LUC7L2: variants seen among roughly 807,000 people sequenced by gnomAD.
LUC7L2 encodes the protein putative RNA-binding protein Luc7-like 2.
Under a neutral mutation model 52.8 loss-of-function variants are expected in LUC7L2, and 25 were observed. The ratio of observed to expected loss-of-function variants is 0.47; its 90% CI spans 0.34 to 0.66. The LOEUF is 0.66. LUC7L2 is among the 30% of genes least tolerant of loss of function. The probability of loss-of-function intolerance (pLI) is 0.01; values close to 1 mark genes in which losing one functional copy is unlikely to be tolerated. For synonymous variants in LUC7L2, 144 were observed against 160.9 expected (o/e 0.89, Z 0.80); for missense variants, 328 against 497.8 (o/e 0.66, Z 3.25).
chr7:139,374,137 A>T (rs766769973), intron 1 of LUC7L2, among the ~76,000 whole-genome samples: 1 of 152,168 alleles, frequency 6.6e-6, no homozygotes, highest in Non-Finnish European at 1.5e-5. Flanking sequence ...TAAAGAAATA[A>T]TTTTTTAAAA....
intron 2 of LUC7L2, among the ~76,000 whole-genome samples, chr7:139,387,366 C>T (rs1302650087): frequency 6.6e-6 from 1 of 150,664 alleles, no homozygotes; most frequent in Non-Finnish European, 1.5e-5. Context: ...GCTATTTTTT[C>T]GTATATTCAG....
intron 1 of LUC7L2, chr7:139,363,060 G>A (rs1413073585): frequency 5.5e-6 from 1 of 180,404 alleles, no homozygotes; most frequent in Non-Finnish European, 1.1e-5. Flanking sequence ...CAATCTGAGG[G>A]CAGCATGATG....
At chr7:139,378,192 C>T (rs1800815926) in intron 2 of LUC7L2, among the ~76,000 whole-genome samples, 1 of 152,050 alleles carries the variant, frequency 6.6e-6, no homozygotes, top group Non-Finnish European at 1.5e-5. Flanking sequence ...CATCTGAAAT[C>T]TATGAAATCT....
At chr7:139,415,867 TG>T (rs924493079) in intron 8 of LUC7L2, among the ~76,000 whole-genome samples, 48 of 151,814 alleles carry the variant, frequency 3.2e-4, no homozygotes, top group African/African-American at 1.0e-3. Context: ...TTGACTATAA[TG>T]TTGACATAAG....
chr7:139,406,344 ACCAGGG>A, intron 5 of LUC7L2, among the ~76,000 whole-genome samples: 1 of 139,820 alleles, frequency 7.2e-6, no homozygotes, highest in Non-Finnish European at 1.5e-5. Flanking sequence ...GAACCACTGC[ACCAGGG>A]CCTTTTTTTT....
At chr7:139,379,985 C>T (rs1800913284) in intron 2 of LUC7L2, among the ~76,000 whole-genome samples, 1 of 151,728 alleles carries the variant, frequency 6.6e-6, no homozygotes, top group African/African-American at 2.4e-5. Context: ...ACCAGCCTGG[C>T]CAACCAACAT....
chr7:139,392,814 G>A (rs1196682670), intron 2 of LUC7L2, among the ~76,000 whole-genome samples: 3 of 151,210 alleles, frequency 2.0e-5, no homozygotes, highest in Non-Finnish European at 2.9e-5. Flanking sequence ...CACCACGCCC[G>A]GCTAATTTTG....
At chr7:139,356,483 G>A (rs1343982456), upstream of LUC7L2, among the ~76,000 whole-genome samples, 2 of 151,876 alleles carry the variant, frequency 1.3e-5, no homozygotes, top group African/African-American at 2.4e-5. Flanking sequence ...AAGCAAGGTA[G>A]GCAAACTTCA....
At chr7:139,354,765 G>T (rs1209334244) in intron 1 of LUC7L2, among the ~76,000 whole-genome samples, 2 of 152,130 alleles carry the variant, frequency 1.3e-5, no homozygotes, top group Non-Finnish European at 2.9e-5. Context: ...ACAAAGGTAG[G>T]GACTCTAATA....
chr7:139,392,524 G>T, intron 2 of LUC7L2: 1 of 284,990 alleles, frequency 3.5e-6, no homozygotes, highest in South Asian at 2.8e-5. Context: ...ATTCAGAATG[G>T]AGAAGACAAA....
Position 139,371,953 on chromosome 7 carries a change from T to G in LUC7L2, c.62-4109T>G, listed in dbSNP as rs189471316. ...CAAAGGTTATAATTCATGAAACTCATGAAGGTGTTGAACAAAAGAGGGAGG... is the reference window on the plus strand; with the variant it reads ...CAAAGGTTATAATTCATGAAACTCAGGAAGGTGTTGAACAAAAGAGGGAGG... On this transcript the variant is annotated intron_variant, in intron 1 of 9. Coordinates refer to ENST00000354926, the MANE Select transcript of LUC7L2 (RefSeq NM_016019.5). 4.6e-3 allele frequency among the ~76,000 whole-genome samples: 708 copies of G among 152,294 alleles called. 4 individuals carry two copies. The highest frequency in any genetic ancestry group is 5.4e-3 in the South Asian group (26 of 4,828).
intron 1 of LUC7L2, chr7:139,341,556 T>TGGGGAGGGAGGAAGAGCCGGGTCTG: frequency 6.3e-7 from 1 of 1,599,772 alleles, no homozygotes; most frequent in South Asian, 1.1e-5. Flanking sequence ...CTCTACGTGC[T>TGGGGAGGGAGGAAGAGCCGGGTCTG]GGGGAGGGAG....
intron 2 of LUC7L2, among the ~76,000 whole-genome samples, chr7:139,382,402 T>TTTC (rs1801078981): frequency 6.6e-6 from 1 of 151,854 alleles, no homozygotes; most frequent in African/African-American, 2.4e-5. Context: ...ATTTATTTTT[T>TTTC]GAGACAGTCT....
intron 1 of LUC7L2, among the ~76,000 whole-genome samples, chr7:139,373,151 T>G (rs1351735776): frequency 6.6e-6 from 1 of 152,256 alleles, no homozygotes; most frequent in Non-Finnish European, 1.5e-5. Context: ...GCCAGATATC[T>G]TGACAGAAAC....
At chr7:139,383,537 G>A (rs1247692687) in intron 2 of LUC7L2, among the ~76,000 whole-genome samples, 1 of 151,056 alleles carries the variant, frequency 6.6e-6, no homozygotes, top group Non-Finnish European at 1.5e-5. Flanking sequence ...TCAGCCTCCC[G>A]AGTAGCTGGG....
chr7:139,345,632 G>A (rs778721535), intron 1 of LUC7L2: 6 of 1,614,146 alleles, frequency 3.7e-6, no homozygotes, highest in East Asian at 2.2e-5. Context: ...GTGAGCGCTC[G>A]GTGGAGGAGT....
intron 8 of LUC7L2, 30 bp downstream of exon 8, chr7:139,412,610 T>C: frequency 6.3e-7 from 1 of 1,576,824 alleles, no homozygotes; most frequent in South Asian, 1.2e-5. Context: ...CAGGTATAAG[T>C]AGTGAAGTTG....
intron 1 of LUC7L2, among the ~76,000 whole-genome samples, chr7:139,342,587 C>G (rs1022719045): frequency 6.6e-6 from 1 of 152,088 alleles, no homozygotes; most frequent in Non-Finnish European, 1.5e-5. Context: ...CTCAGCCTCC[C>G]GAGTAGTACA....
intron 3 of LUC7L2, among the ~76,000 whole-genome samples, 197 bp downstream of exon 3, chr7:139,398,894 T>G (rs1327793060): frequency 6.6e-6 from 1 of 152,172 alleles, no homozygotes; most frequent in African/African-American, 2.4e-5. Flanking sequence ...TAAGAAAATG[T>G]GTAACAGTCG....
Sources: gnomAD v4.1 joint callset for allele counts (sites outside exome capture counted in the v4.1 genomes callset) on GRCh38, gnomAD v4.1.1 for gene constraint, MANE v1.5 for transcripts, NCBI Gene and HGNC (gene_info 2026-07-23, HGNC 2026-07-21) for gene names.